HIBCH: variants seen among roughly 807,000 people sequenced by gnomAD.
The protein encoded by HIBCH is 3-hydroxyisobutyryl-CoA hydrolase, mitochondrial.
In HIBCH, 50 loss-of-function variants were observed where a neutral mutation model predicts 58.2. That is an observed-to-expected ratio of 0.86 (90% CI 0.68 to 1.09). The LOEUF (loss-of-function observed/expected upper bound fraction) is 1.09. Among genes scored for constraint, HIBCH ranks in the 50% least tolerant of loss-of-function variants. The probability of loss-of-function intolerance (pLI) is 0.00; values close to 1 mark genes in which losing one functional copy is unlikely to be tolerated. For synonymous variants in HIBCH, 151 were observed against 146.9 expected (o/e 1.03, Z -0.20); for missense variants, 450 against 449.7 (o/e 1.00, Z -0.01).
chr2:190,297,087 A>G (rs769300269), intron 2 of HIBCH, 134 bp from the exon 3 acceptor site: 120 of 796,028 alleles, frequency 1.5e-4, no homozygotes, highest in Middle Eastern at 3.0e-4. Flanking sequence ...GGTACACCTT[A>G]TAAGTTTCTG....
intron 1 of HIBCH, among the ~76,000 whole-genome samples, chr2:190,196,720 T>C (rs551928312): frequency 5.9e-5 from 9 of 152,350 alleles, no homozygotes; most frequent in African/African-American, 1.4e-4. Flanking sequence ...ATGTGGTCCA[T>C]AGGCTGGCTA....
At chr2:190,311,360 T>C (rs778918238) in intron 1 of HIBCH, among the ~76,000 whole-genome samples, 5 of 152,234 alleles carry the variant, frequency 3.3e-5, no homozygotes, top group Non-Finnish European at 7.3e-5. Flanking sequence ...TAATGGTTGA[T>C]ACATGTCCTT....
chr2:190,278,486 G>A (rs561488850), intron 6 of HIBCH, among the ~76,000 whole-genome samples: 6 of 152,322 alleles, frequency 3.9e-5, no homozygotes, highest in South Asian at 4.1e-4. Flanking sequence ...TTACAGGCGT[G>A]AGCCGCCGTG....
At chr2:190,312,269 T>C (rs1045499122) in intron 1 of HIBCH, among the ~76,000 whole-genome samples, 170 of 152,328 alleles carry the variant, frequency 1.1e-3, no homozygotes, top group African/African-American at 3.9e-3. Context: ...CTAAAAGACA[T>C]AGCTCTTGCA....
intron 2 of HIBCH, among the ~76,000 whole-genome samples, chr2:190,305,152 G>GT (rs1368480948): frequency 2.0e-5 from 3 of 152,166 alleles, no homozygotes; most frequent in Admixed American, 6.5e-5. Context: ...GAGTGATTAG[G>GT]TACAGAGGAT....
Position 190,249,599 on chromosome 2 carries a change from C to A in HIBCH, c.750+41G>T, listed in dbSNP as rs763158567. On this transcript the variant is annotated intron_variant, in intron 9 of 13. Transcript: ENST00000359678. ...CCAGTTTTTTAATCACTTCCCCTCC[C>A]CATGAATTAAAACCTGAGGTTAGAA... The A allele has an allele frequency of 2.9e-5, 33 of 1,154,892 alleles. No homozygotes were observed. In the East Asian group the frequency reaches 7.5e-4, roughly 26 times the overall value. The allele number at this position is 1,154,892 out of a possible 1,614,324, so 71.5% of individuals were successfully genotyped here.
At chr2:190,301,051 A>G (rs1019002407) in intron 2 of HIBCH, among the ~76,000 whole-genome samples, 1 of 152,268 alleles carries the variant, frequency 6.6e-6, no homozygotes, top group Non-Finnish European at 1.5e-5. Flanking sequence ...TACCAGGGGC[A>G]TAAGCCATAA....
In HIBCH at chr2:190,215,614, T is replaced by A. The variant is rs1690610437; in HGVS notation, c.892-2539A>T. The A allele has an allele frequency of 6.6e-6, 1 of 152,056 alleles. No homozygotes were observed. Among genetic ancestry groups the A allele is most frequent in the East Asian group, 1.9e-4 (1 of 5,196 alleles). 9.4% of individuals were successfully genotyped at this position (152,056 alleles called of 1,614,324 possible). On this transcript the variant is annotated intron_variant, in intron 11 of 13. Coordinates refer to ENST00000359678, the MANE Select transcript of HIBCH (RefSeq NM_014362.4). The surrounding 1 kb of genome is among the most constrained non-coding windows in gnomAD (Gnocchi z 4.4). The stretch of plus-strand genomic sequence containing the variant: ...TTACTAAGAAACTGCAAAAGGTTAA[T>A]GGATGGAATGAAAAACCAATTAAGG...
chr2:190,295,577 CT>C (rs1318740970), intron 3 of HIBCH, among the ~76,000 whole-genome samples: 1 of 152,146 alleles, frequency 6.6e-6, no homozygotes, highest in African/African-American at 2.4e-5. Flanking sequence ...TCAACCTGTA[CT>C]AGAGAATAAA....
chr2:190,204,946 A>C lies in HIBCH; in HGVS notation c.*171T>G, dbSNP rs1265821632. The C allele has an allele frequency of 1.6e-6, 1 of 623,406 alleles. No individual in the cohort carries two copies. Among genetic ancestry groups the C allele is most frequent in the East Asian group, 2.8e-5 (1 of 35,498 alleles). 38.6% of individuals were successfully genotyped at this position (623,406 alleles called of 1,614,324 possible). A position where few individuals can be genotyped will look rare whatever the true frequency, so the allele number is the denominator to read the frequency against. On this transcript the variant is annotated 3_prime_UTR_variant, in exon 14 of 14. Transcript: ENST00000359678. ...TAAAGCTTTATTTGTGAATTCTGATAATTTTCACGTCATGAATTATTAGTC... is the reference window on the plus strand; with the variant it reads ...TAAAGCTTTATTTGTGAATTCTGATCATTTTCACGTCATGAATTATTAGTC...
At chr2:190,276,234 C>T (rs1399124232) in intron 6 of HIBCH, among the ~76,000 whole-genome samples, 2 of 152,112 alleles carry the variant, frequency 1.3e-5, no homozygotes, top group African/African-American at 2.4e-5. Flanking sequence ...AAAGCTTTAG[C>T]GGAAAAAGGC....
chr2:190,205,076 G>A lies in HIBCH; in HGVS notation c.*41C>T. 1 of 1,117,002 alleles carries A rather than the reference G, an allele frequency of 9.0e-7. No homozygotes were observed. Among genetic ancestry groups the A allele is most frequent in the Non-Finnish European group, 1.4e-6 (1 of 735,320 alleles). The allele number at this position is 1,117,002 out of a possible 1,614,324, so 69.2% of individuals were successfully genotyped here. On this transcript the variant is annotated 3_prime_UTR_variant, in exon 14 of 14. Transcript: ENST00000359678. ...GGATTTGGCCCACATGCTGTAGATTGCCAACCCATGCTACAAAATATACCT... is the reference window on the plus strand; with the variant it reads ...GGATTTGGCCCACATGCTGTAGATTACCAACCCATGCTACAAAATATACCT...
At position 190,261,215 on chromosome 2, in the gene HIBCH, T is replaced by C. The variant is rs1478491971; in HGVS notation, c.458A>G (p.His153Arg). The C allele has an allele frequency of 1.9e-6, 3 of 1,613,038 alleles. No homozygotes were observed. The highest frequency in any genetic ancestry group is 1.7e-5 in the Admixed American group (1 of 59,940). ...TMGGGVGLSV[H>R]GQFRVATEKC... ...TTCTGTAGCCACTCGAAATTGCCCA[T>C]GGACTGAGAGACCAACTCCCTAGAG... is the stretch of plus-strand genomic sequence containing the variant. Residue 153 changes from histidine (H) to arginine (R), a missense_variant, in exon 7 of 14, where the codon CAT becomes CGT. Coordinates refer to ENST00000359678, the MANE Select transcript of HIBCH (RefSeq NM_014362.4).
rs1275588616 is a variant in HIBCH at position 190,252,215 on chromosome 2, C to T, written c.610G>A (p.Gly204Arg). The change falls in exon 8 of 14, where the codon GGA becomes AGA. Residue 204 changes from glycine to arginine, a missense_variant. Coordinates refer to ENST00000359678, the MANE Select transcript of HIBCH (RefSeq NM_014362.4). ...FLALTGFRLK[G>R]RDVYRAGIAT... ...ATTCCTGCTCTGTACACATCTCTTCCTTTTAGTCTGAATCCTGTTAATGCA... is the reference window on the plus strand; with the variant it reads ...ATTCCTGCTCTGTACACATCTCTTCTTTTTAGTCTGAATCCTGTTAATGCA... The T allele has an allele frequency of 1.2e-6, 2 of 1,613,800 alleles. No individual in the cohort carries two copies. The highest frequency in any genetic ancestry group is 1.7e-6 in the Non-Finnish European group (2 of 1,179,826).
At chr2:190,200,016 A>G (rs1575685465), downstream of HIBCH, 3 of 1,613,958 alleles carry the variant, frequency 1.9e-6, no homozygotes, top group Admixed American at 1.7e-5. Context: ...AGGAACCTCC[A>G]GGGACCAATA....
rs560938461 is a variant in HIBCH, at chr2:190,251,969, T to C, written c.663+193A>G. Among the ~76,000 whole-genome samples, 17 of 152,238 alleles carry C rather than the reference T, an allele frequency of 1.1e-4. No homozygotes were observed. The East Asian group carries it at 2.3e-3, about 21-fold the overall frequency. Reference sequence around the variant, plus strand: ...GAATCCAGGTATCATTATCTCCAGTTTGCATATGAGGAAACAGAATTAGAG... The same window carrying C: ...GAATCCAGGTATCATTATCTCCAGTCTGCATATGAGGAAACAGAATTAGAG... On this transcript the variant is annotated intron_variant, in intron 8 of 13. Coordinates refer to ENST00000359678, the MANE Select transcript of HIBCH (RefSeq NM_014362.4).
At chr2:190,233,396 A>G (rs1686170013) in intron 11 of HIBCH, among the ~76,000 whole-genome samples, 1 of 152,182 alleles carries the variant, frequency 6.6e-6, no homozygotes, top group African/African-American at 2.4e-5. Flanking sequence ...TCACATGGGC[A>G]GATCTTTCCC....
Position 190,244,918 on chromosome 2 carries a change from T to C in HIBCH, c.860A>G (p.Asp287Gly), listed in dbSNP as rs1252871654. The change falls in exon 11 of 14, where the codon GAT becomes GGT. Residue 287 changes from aspartate (D) to glycine (G), a missense_variant. Asp to Gly is a moderately conservative substitution (Grantham distance 94). Transcript: ENST00000359678. ...VEEIIENLQQDGSSFALEQLK... is the reference protein window; with the variant it reads ...VEEIIENLQQGGSSFALEQLK... ...TTGCTCTAGGGCAAAAGATGAACCA[T>C]CTTGCTGTAAGTTTTCAATAATTTC... 4 of 1,611,886 alleles carry C rather than the reference T, an allele frequency of 2.5e-6. No homozygotes were observed. The highest frequency in any genetic ancestry group is 3.4e-6 in the Non-Finnish European group (4 of 1,177,926).
At chr2:190,198,254 G>A (rs1166210944) in intron 1 of HIBCH, among the ~76,000 whole-genome samples, 1 of 152,124 alleles carries the variant, frequency 6.6e-6, no homozygotes, top group Non-Finnish European at 1.5e-5. Flanking sequence ...ATAATATATG[G>A]TGGTAGACCT....
Sources: allele counts gnomAD v4.1 joint callset (sites outside exome capture counted in the v4.1 genomes callset), GRCh38; gene constraint gnomAD v4.1.1; non-coding constraint Gnocchi (gnomAD v3.1); transcripts MANE v1.5; gene names NCBI Gene and HGNC (gene_info 2026-07-23, HGNC 2026-07-21).